The following C2orf66 variants were observed in gnomAD, a reference collection of about 807,000 sequenced individuals.
The protein encoded by C2orf66 is uncharacterized protein C2orf66.
Under a neutral mutation model 7.0 loss-of-function variants are expected in C2orf66, and 6 were observed. The observed-to-expected ratio is 0.86, with a 90% CI of 0.47 to 1.69. The LOEUF is 1.69. Among genes scored for constraint, C2orf66 ranks in the 40% most tolerant of loss-of-function variants. The pLI is 0.01. For missense variants in C2orf66, 107 were observed against 112.0 expected (o/e 0.96, Z 0.20); for synonymous variants, 38 against 43.8 (o/e 0.87, Z 0.52).
In C2orf66 at chr2:196,805,266, T is replaced by G. The variant is rs1471144618; in HGVS notation, c.*162A>C. On this transcript the variant is annotated 3_prime_UTR_variant, in exon 3 of 3. Transcript: ENST00000342506. ...AATCATAGTTCCAGCGATTTATATG[T>G]AAATATGGAAATGTGGAATAAAATC... is the stretch of plus-strand genomic sequence containing the variant. 5 of 152,118 alleles carry G rather than the reference T, an allele frequency of 3.3e-5. No homozygotes were observed. Among genetic ancestry groups the G allele is most frequent in the Non-Finnish European group, 7.4e-5 (5 of 68,016 alleles). The allele number at this position is 152,118 out of a possible 1,614,324, so 9.4% of individuals were successfully genotyped here.
the C2orf66 span, among the ~76,000 whole-genome samples, chr2:196,817,284 G>C: frequency 6.7e-6 from 1 of 148,708 alleles, no homozygotes; most frequent in East Asian, 2.0e-4. Flanking sequence ...GCCCAGGCTG[G>C]AGTGCAGTGG....
the C2orf66 span, among the ~76,000 whole-genome samples, chr2:196,828,399 T>C: frequency 6.6e-6 from 1 of 152,156 alleles, no homozygotes; most frequent in South Asian, 2.1e-4. Context: ...GTTAAAACTA[T>C]GGAATATTAA....
the C2orf66 span, among the ~76,000 whole-genome samples, chr2:196,831,143 A>T: frequency 6.6e-6 from 1 of 152,124 alleles, no homozygotes; most frequent in Admixed American, 6.5e-5. Flanking sequence ...CCAAAGGACT[A>T]TCTGGGGGAA....
At chr2:196,806,148 C>G (rs1410183402) in intron 2 of C2orf66, among the ~76,000 whole-genome samples, 1 of 152,110 alleles carries the variant, frequency 6.6e-6, no homozygotes, top group Admixed American at 6.5e-5. Flanking sequence ...TTCAGCTAAA[C>G]AAAAAGCTAA....
the C2orf66 span, among the ~76,000 whole-genome samples, chr2:196,821,341 C>A: frequency 6.6e-6 from 1 of 152,170 alleles, no homozygotes; most frequent in Non-Finnish European, 1.5e-5. Context: ...TTTGTTACAG[C>A]AGTCAAAGGA....
chr2:196,822,546 G>A, the C2orf66 span, among the ~76,000 whole-genome samples: 1 of 152,020 alleles, frequency 6.6e-6, no homozygotes, highest in African/African-American at 2.4e-5. Context: ...GACTAAAACT[G>A]TATAGTTTTC....
chr2:196,805,387 T>G lies in C2orf66; in HGVS notation c.*41A>C, dbSNP rs369647857. The G allele has an allele frequency of 6.6e-6, 1 of 152,294 alleles. No individual in the cohort carries two copies. Among genetic ancestry groups the G allele is most frequent in the South Asian group, 2.1e-4 (1 of 4,830 alleles). 9.4% of individuals were successfully genotyped at this position (152,294 alleles called of 1,614,324 possible). On this transcript the variant is annotated 3_prime_UTR_variant, in exon 3 of 3. Coordinates refer to ENST00000342506, the MANE Select transcript of C2orf66 (RefSeq NM_213608.3). ...TTTTTCTAATGAGAAGCTTCATCTG[T>G]AGTTTTAAAATAGCCAGACACCTGA...
the C2orf66 span, among the ~76,000 whole-genome samples, chr2:196,831,762 C>T: frequency 2.0e-5 from 3 of 152,210 alleles, no homozygotes; most frequent in East Asian, 3.8e-4. Flanking sequence ...TCCTCACTGG[C>T]GGAGTACTAT....
At chr2:196,828,209 ATC>A in the C2orf66 span, among the ~76,000 whole-genome samples, 3,465 of 140,430 alleles carry the variant, frequency 0.025, 61 homozygotes, top group South Asian at 0.047. Context: ...ACGAATCAAA[ATC>A]TCTCTCTCTC....
chr2:196,818,408 G>A, the C2orf66 span, among the ~76,000 whole-genome samples: 2 of 152,172 alleles, frequency 1.3e-5, no homozygotes, highest in African/African-American at 2.4e-5. Flanking sequence ...TCAATTTCTG[G>A]GACTTGGGCA....
the C2orf66 span, among the ~76,000 whole-genome samples, chr2:196,817,804 C>T: frequency 1.3e-5 from 2 of 152,154 alleles, no homozygotes; most frequent in Non-Finnish European, 2.9e-5. Flanking sequence ...GATATCTTCC[C>T]TACTTGCACG....
the C2orf66 span, among the ~76,000 whole-genome samples, chr2:196,818,958 C>A: frequency 2.6e-5 from 4 of 152,108 alleles, no homozygotes; most frequent in African/African-American, 9.7e-5. Flanking sequence ...AGTCTAAACT[C>A]TTGATTGTGA....
At chr2:196,815,712 A>C in the C2orf66 span, among the ~76,000 whole-genome samples, 39 of 152,358 alleles carry the variant, frequency 2.6e-4, no homozygotes, top group African/African-American at 9.4e-4. Context: ...AAATGCAAAC[A>C]TAGGCTAATT....
At chr2:196,815,508 GTA>G in the C2orf66 span, among the ~76,000 whole-genome samples, 1 of 152,206 alleles carries the variant, frequency 6.6e-6, no homozygotes, top group Non-Finnish European at 1.5e-5. Context: ...ATTTGTAACA[GTA>G]GCAGTTGGGA....
upstream of C2orf66, among the ~76,000 whole-genome samples, chr2:196,811,677 G>A (rs1210867445): frequency 6.6e-6 from 1 of 152,148 alleles, no homozygotes; most frequent in Non-Finnish European, 1.5e-5. Context: ...TTCCTCGTGG[G>A]GTTGGAGAGT....
At chr2:196,822,658 T>C in the C2orf66 span, among the ~76,000 whole-genome samples, 1 of 152,122 alleles carries the variant, frequency 6.6e-6, no homozygotes, top group Non-Finnish European at 1.5e-5. Flanking sequence ...AAACAGCCAA[T>C]GGTATGTTTT....
At chr2:196,818,956 C>T in the C2orf66 span, among the ~76,000 whole-genome samples, 3 of 152,218 alleles carry the variant, frequency 2.0e-5, no homozygotes, top group South Asian at 6.2e-4. Context: ...AGAGTCTAAA[C>T]TCTTGATTGT....
At chr2:196,818,046 A>G in the C2orf66 span, among the ~76,000 whole-genome samples, 14 of 152,260 alleles carry the variant, frequency 9.2e-5, no homozygotes, top group Non-Finnish European at 1.3e-4. Context: ...GCTTACGAAG[A>G]TAACAGGATT....
the C2orf66 span, among the ~76,000 whole-genome samples, chr2:196,830,682 A>G: frequency 6.6e-6 from 1 of 152,158 alleles, no homozygotes; most frequent in Non-Finnish European, 1.5e-5. Context: ...GGGATAGGTA[A>G]GTTTTCGATC....
Sources: gnomAD v4.1 joint callset for allele counts (sites outside exome capture counted in the v4.1 genomes callset) on GRCh38, gnomAD v4.1.1 for gene constraint, MANE v1.5 for transcripts, NCBI Gene and HGNC (gene_info 2026-07-23, HGNC 2026-07-21) for gene names.